Variants in SLCO1A2 observed in about 807,000 individuals in gnomAD.
SLCO1A2 encodes the protein OATP-1.
A neutral mutation model predicts 69.0 loss-of-function variants in SLCO1A2; 67 were observed. The ratio of observed to expected loss-of-function variants is 0.97; its 90% CI spans 0.80 to 1.19. The LOEUF (loss-of-function observed/expected upper bound fraction) is 1.19, where lower values mean the gene tolerates loss of function less well. Ranked by LOEUF, SLCO1A2 falls within the 50% of genes most tolerant of loss-of-function variation. The pLI is 0.00. For missense variants in SLCO1A2, 787 were observed against 793.7 expected (o/e 0.99, Z 0.10); for synonymous variants, 260 against 265.9 (o/e 0.98, Z 0.22).
At chr12:21,330,937 C>G (rs1056626951) in intron 2 of SLCO1A2, among the ~76,000 whole-genome samples, 4 of 152,086 alleles carry the variant, frequency 2.6e-5, no homozygotes, top group Non-Finnish European at 5.9e-5. Context: ...CTTTCTTGAA[C>G]GAGTCATTTT....
rs140568652 is a variant in SLCO1A2 at position 21,342,837 on chromosome 12, AGAG to A, written c.-62-8131_-62-8129del. ...GTGATTACTGAATATATGGGATGAA[AGAG>A]GAGGAGGAAGTATCAAAGATGATTC... On this transcript the variant is annotated intron_variant, in intron 2 of 15. Coordinates refer to the SLCO1A2 transcript ENST00000307378. Among the ~76,000 whole-genome samples the A allele has an allele frequency of 7.1e-3, 1,076 of 152,178 alleles. 15 individuals carry two copies. Among genetic ancestry groups the A allele is most frequent in the African/African-American group, 0.024 (1,000 of 41,538 alleles).
intron 4 of SLCO1A2, among the ~76,000 whole-genome samples, chr12:21,314,035 A>T (rs1241556861): frequency 6.6e-6 from 1 of 151,896 alleles, no homozygotes; most frequent in Admixed American, 6.5e-5. Context: ...TACAAGAAAG[A>T]GCTAAAAGTT....
At chr12:21,335,217 C>G (rs1952841293), upstream of SLCO1A2, among the ~76,000 whole-genome samples, 1 of 151,902 alleles carries the variant, frequency 6.6e-6, no homozygotes, top group African/African-American at 2.4e-5. Context: ...TTCTGGGGCA[C>G]TGCTGATACA....
chr12:21,306,557 C>T (rs1427354644), intron 5 of SLCO1A2, among the ~76,000 whole-genome samples: 4 of 152,244 alleles, frequency 2.6e-5, no homozygotes, highest in East Asian at 3.9e-4. Context: ...GAACTCCTGA[C>T]CTCAGGTGAT....
At chr12:21,353,822 T>A (rs1264166014) in intron 2 of SLCO1A2, among the ~76,000 whole-genome samples, 1 of 152,168 alleles carries the variant, frequency 6.6e-6, no homozygotes, top group African/African-American at 2.4e-5. Context: ...TCACAGCTAT[T>A]TGCCAGTGAA....
chr12:21,393,694 T>C (rs1422663713), intron 1 of SLCO1A2, among the ~76,000 whole-genome samples: 1 of 152,180 alleles, frequency 6.6e-6, no homozygotes, highest in African/African-American at 2.4e-5. Flanking sequence ...ATACGGTTAC[T>C]AATCCTTTTT....
chr12:21,332,595 G>C (rs1952682794), intron 2 of SLCO1A2, among the ~76,000 whole-genome samples: 1 of 152,086 alleles, frequency 6.6e-6, no homozygotes, highest in South Asian at 2.1e-4. Context: ...TCTTGACCAA[G>C]AGGAGGTCCA....
At chr12:21,283,639 G>T (rs1017111606) in intron 12 of SLCO1A2, among the ~76,000 whole-genome samples, 1 of 152,058 alleles carries the variant, frequency 6.6e-6, no homozygotes, top group Admixed American at 6.6e-5. Context: ...ACAACTCACA[G>T]AATGAGAGAA....
chr12:21,358,064 A>G (rs982026886), intron 2 of SLCO1A2, among the ~76,000 whole-genome samples: 1 of 152,120 alleles, frequency 6.6e-6, no homozygotes, highest in Admixed American at 6.6e-5. Flanking sequence ...CTTTACTCAC[A>G]TGTTTTGAAT....
At chr12:21,304,221 A>G (rs551645036) in intron 6 of SLCO1A2, among the ~76,000 whole-genome samples, 1 of 152,320 alleles carries the variant, frequency 6.6e-6, no homozygotes, top group South Asian at 2.1e-4. Context: ...TATTTCCAAT[A>G]GTAGAAAGTA....
intron 6 of SLCO1A2, 44 bp from the exon 7 acceptor site, chr12:21,301,313 C>T (rs1454278105): frequency 7.5e-7 from 1 of 1,336,340 alleles, no homozygotes; most frequent in African/African-American, 1.5e-5. Flanking sequence ...AGTTATATGC[C>T]CACATAAAGA....
chr12:21,309,173 C>CA (rs142933413), intron 4 of SLCO1A2, among the ~76,000 whole-genome samples: 9,770 of 151,448 alleles, frequency 0.065, 743 homozygotes, highest in East Asian at 0.35. Flanking sequence ...GACAAGAGGA[C>CA]AAAAAAGTAG....
chr12:21,281,844 G>A (rs1944855434), intron 12 of SLCO1A2, among the ~76,000 whole-genome samples: 1 of 152,028 alleles, frequency 6.6e-6, no homozygotes, highest in African/African-American at 2.4e-5. Context: ...AGAAATGGAT[G>A]AAATCCTAGA....
intron 13 of SLCO1A2, 50 bp from the exon 14 acceptor site, chr12:21,274,636 GATTT>G: frequency 8.6e-7 from 1 of 1,161,516 alleles, no homozygotes; most frequent in Non-Finnish European, 1.3e-6. Flanking sequence ...TAAGATACTT[GATTT>G]ATTTGGAAAT....
intron 2 of SLCO1A2, among the ~76,000 whole-genome samples, chr12:21,347,320 A>G (rs1230455144): frequency 6.6e-6 from 1 of 152,178 alleles, no homozygotes; most frequent in Non-Finnish European, 1.5e-5. Flanking sequence ...GAGAAACAAC[A>G]ACCAAGAAAA....
At chr12:21,375,826 T>A (rs1007027307) in intron 1 of SLCO1A2, among the ~76,000 whole-genome samples, 1 of 152,194 alleles carries the variant, frequency 6.6e-6, no homozygotes, top group Non-Finnish European at 1.5e-5. Context: ...AGAATTTCCA[T>A]GTGTGTATGT....
intron 2 of SLCO1A2, among the ~76,000 whole-genome samples, chr12:21,329,085 T>C (rs924380598): frequency 1.3e-5 from 2 of 152,176 alleles, no homozygotes; most frequent in Non-Finnish European, 2.9e-5. Flanking sequence ...GGATCACATA[T>C]ACTCATCAGC....
chr12:21,411,147 A>T (rs1225381941), intron 1 of SLCO1A2, among the ~76,000 whole-genome samples: 2 of 152,100 alleles, frequency 1.3e-5, no homozygotes, highest in Non-Finnish European at 2.9e-5. Flanking sequence ...AAAATTTTAA[A>T]TTTTTTCTCT....
At chr12:21,389,255 T>A (rs754189720) in intron 1 of SLCO1A2, among the ~76,000 whole-genome samples, 7 of 152,184 alleles carry the variant, frequency 4.6e-5, no homozygotes, top group Non-Finnish European at 1.0e-4. Flanking sequence ...CATTGTACTA[T>A]ATGTTTGTAT....
Sources: allele counts gnomAD v4.1 joint callset (sites outside exome capture counted in the v4.1 genomes callset), GRCh38; gene constraint gnomAD v4.1.1; transcripts MANE v1.5; gene names NCBI Gene and HGNC (gene_info 2026-07-23, HGNC 2026-07-21).